Variants in ILDR1 observed in about 807,000 individuals in gnomAD.
ILDR1 encodes the protein immunoglobulin-like domain-containing receptor 1.
A neutral mutation model predicts 62.4 loss-of-function variants in ILDR1; 56 were observed. That is an observed-to-expected ratio of 0.90 (90% CI 0.72 to 1.12). The LOEUF (loss-of-function observed/expected upper bound fraction) is 1.12. Among genes scored for constraint, ILDR1 ranks in the 50% most tolerant of loss-of-function variants. ILDR1 has a pLI of 0.00. For synonymous variants in ILDR1, 284 were observed against 277.8 expected (o/e 1.02, Z -0.22); for missense variants, 736 against 710.6 (o/e 1.04, Z -0.41).
intron 2 of ILDR1, among the ~76,000 whole-genome samples, 169 bp downstream of exon 2, chr3:122,006,822 C>A (rs574082562): frequency 6.6e-6 from 1 of 152,130 alleles, no homozygotes; most frequent in East Asian, 1.9e-4. Flanking sequence ...ATTTCATCTA[C>A]CTGGGCTCCG....
At chr3:122,052,772 T>C in the ILDR1 span, among the ~76,000 whole-genome samples, 1 of 152,234 alleles carries the variant, frequency 6.6e-6, no homozygotes, top group Non-Finnish European at 1.5e-5. Context: ...TTTCACCATG[T>C]TGACCGGGCT....
chr3:122,030,717 A>T, the ILDR1 span, among the ~76,000 whole-genome samples: 1 of 151,682 alleles, frequency 6.6e-6, no homozygotes, highest in Admixed American at 6.6e-5. Flanking sequence ...CTCTGAAATT[A>T]TGAGGTCAGT....
At chr3:122,049,690 A>G in the ILDR1 span, among the ~76,000 whole-genome samples, 1 of 152,166 alleles carries the variant, frequency 6.6e-6, no homozygotes, top group Non-Finnish European at 1.5e-5. Context: ...ATGTCCCCAA[A>G]AATTCATGGG....
At chr3:122,013,608 G>A (rs1668590638) in intron 1 of ILDR1, among the ~76,000 whole-genome samples, 1 of 152,090 alleles carries the variant, frequency 6.6e-6, no homozygotes, top group Non-Finnish European at 1.5e-5. Context: ...GCAAATATGA[G>A]CGGAATCAAG....
chr3:122,008,593 C>CTTT (rs10546593), intron 1 of ILDR1, among the ~76,000 whole-genome samples: 4 of 80,110 alleles, frequency 5.0e-5, no homozygotes, highest in Non-Finnish European at 5.8e-5. Context: ...CTTTTCTTTT[C>CTTT]TTTTTTTTTT....
Position 121,988,233 on chromosome 3 carries a change from A to G in ILDR1, c.*134T>C, listed in dbSNP as rs1196029831. ...AAACTCTTGTATTTAAAATTCTTCT[A>G]TTTGATTCTCAGAATCTAAGCCAAA... On this transcript the variant is annotated 3_prime_UTR_variant, in exon 8 of 8. Coordinates refer to ENST00000344209, the MANE Select transcript of ILDR1 (RefSeq NM_001199799.2). 2 of 763,000 alleles carry G rather than the reference A, an allele frequency of 2.6e-6. No homozygotes were observed. The highest frequency in any genetic ancestry group is 4.7e-6 in the Non-Finnish European group (2 of 422,396). 47.3% of individuals were successfully genotyped at this position (763,000 alleles called of 1,614,324 possible). A position where few individuals can be genotyped will look rare whatever the true frequency, so the allele number is the denominator to read the frequency against.
the ILDR1 span, among the ~76,000 whole-genome samples, chr3:122,051,263 A>C: frequency 6.6e-6 from 1 of 152,164 alleles, no homozygotes; most frequent in South Asian, 2.1e-4. Context: ...ATATATTGGT[A>C]CATTTGATGG....
intron 5 of ILDR1, among the ~76,000 whole-genome samples, chr3:121,996,941 C>T (rs1256934887): frequency 6.6e-6 from 1 of 152,166 alleles, no homozygotes; most frequent in Non-Finnish European, 1.5e-5. Flanking sequence ...CGCTATGTCA[C>T]CCAGGCTGGA....
At chr3:122,027,897 A>G in the ILDR1 span, among the ~76,000 whole-genome samples, 1 of 152,168 alleles carries the variant, frequency 6.6e-6, no homozygotes, top group South Asian at 2.1e-4. Flanking sequence ...GATAACCTTG[A>G]CTCGCAATTA....
chr3:122,025,046 G>A (rs1387899470), upstream of ILDR1: 1 of 152,244 alleles, frequency 6.6e-6, no homozygotes, highest in East Asian at 1.9e-4. Context: ...GCATGTACGT[G>A]GCTCAGAACA....
At chr3:122,007,311 G>T (rs2107665510) in intron 1 of ILDR1, 150 bp from the exon 2 acceptor site, 2 of 1,537,246 alleles carry the variant, frequency 1.3e-6, no homozygotes, top group East Asian at 2.5e-5. Context: ...ACTCACCTGG[G>T]CAGGCTATGG....
At chr3:122,048,251 T>A in the ILDR1 span, among the ~76,000 whole-genome samples, 1 of 152,370 alleles carries the variant, frequency 6.6e-6, no homozygotes, top group African/African-American at 2.4e-5. Flanking sequence ...AATTTTCATA[T>A]GTTGAATCAT....
intron 5 of ILDR1, among the ~76,000 whole-genome samples, chr3:121,996,076 C>A (rs2071431898): frequency 6.6e-6 from 1 of 152,202 alleles, no homozygotes; most frequent in African/African-American, 2.4e-5. Context: ...AGACTAGTCT[C>A]TCCTTCCATA....
intron 1 of ILDR1, among the ~76,000 whole-genome samples, chr3:122,016,683 C>G (rs1377822866): frequency 6.6e-6 from 1 of 152,200 alleles, no homozygotes; most frequent in Admixed American, 6.5e-5. Flanking sequence ...AGCTTTAGCC[C>G]AGTCTCATAA....
At chr3:122,027,512 T>A in the ILDR1 span, among the ~76,000 whole-genome samples, 1 of 152,230 alleles carries the variant, frequency 6.6e-6, no homozygotes, top group Admixed American at 6.5e-5. Flanking sequence ...TTTAAAGACC[T>A]AAATAAATGC....
intron 1 of ILDR1, among the ~76,000 whole-genome samples, chr3:122,010,188 C>A (rs1056539343): frequency 1.3e-5 from 2 of 152,110 alleles, no homozygotes; most frequent in Non-Finnish European, 2.9e-5. Context: ...TGGGGGAAAC[C>A]AATCTAGCTG....
the ILDR1 span, among the ~76,000 whole-genome samples, chr3:122,037,710 A>G: frequency 6.6e-6 from 1 of 152,118 alleles, no homozygotes; most frequent in African/African-American, 2.4e-5. Flanking sequence ...GGATAATTGT[A>G]TTTTGCAATG....
At chr3:121,999,272 C>A (rs1220333746) in intron 5 of ILDR1, among the ~76,000 whole-genome samples, 2 of 152,168 alleles carry the variant, frequency 1.3e-5, no homozygotes, top group East Asian at 3.8e-4. Context: ...TGAGTCATTA[C>A]ATTTTCCTGA....
chr3:121,994,828 G>C (rs1254394153), intron 5 of ILDR1, among the ~76,000 whole-genome samples: 1 of 152,230 alleles, frequency 6.6e-6, no homozygotes, highest in Non-Finnish European at 1.5e-5. Context: ...TTGCATGGAA[G>C]AGTATTTCTA....
Sources: gnomAD v4.1 joint callset for allele counts (sites outside exome capture counted in the v4.1 genomes callset) on GRCh38, gnomAD v4.1.1 for gene constraint, MANE v1.5 for transcripts, NCBI Gene and HGNC (gene_info 2026-07-23, HGNC 2026-07-21) for gene names.